The following ALKBH3 variants were observed in gnomAD, a reference collection of about 807,000 sequenced individuals.
ALKBH3 encodes alpha-ketoglutarate-dependent dioxygenase alkB homolog 3.
A neutral mutation model predicts 43.9 loss-of-function variants in ALKBH3; 51 were observed. The ratio of observed to expected loss-of-function variants is 1.16; its 90% CI spans 0.93 to 1.47. The LOEUF (loss-of-function observed/expected upper bound fraction) is 1.47, where lower values mean the gene tolerates loss of function less well. Ranked by LOEUF, ALKBH3 falls within the 40% of genes most tolerant of loss-of-function variation. The pLI is 0.00. For synonymous variants in ALKBH3, 102 were observed against 115.2 expected, an observed-to-expected ratio of 0.89 and a Z score of 0.73; for missense variants, 361 against 351.9, an observed-to-expected ratio of 1.03 and a Z score of -0.21.
chr11:43,881,375 G>T (rs1279578582), intron 1 of ALKBH3, 196 bp downstream of exon 1: 1 of 152,224 alleles, frequency 6.6e-6, no homozygotes, highest in Non-Finnish European at 1.5e-5. Context: ...CTGGGATGGG[G>T]CTCTGGAATC....
At position 43,920,027 on chromosome 11, in the gene ALKBH3, G is replaced by C; in HGVS notation, c.*17G>C. ...CCCTGGTGACGTCAGAGCTTTGAGA[G>C]AGAAGCTTCACTGAAACGGAGCAAA... On this transcript the variant is annotated 3_prime_UTR_variant, in exon 10 of 10. Transcript: ENST00000302708. 2.5e-6 allele frequency: 4 copies of C among 1,604,770 alleles called. No homozygotes were observed. The highest frequency in any genetic ancestry group is 3.4e-6 in the Non-Finnish European group (4 of 1,171,772).
At chr11:43,886,305 G>A (rs1051817802) in intron 4 of ALKBH3, among the ~76,000 whole-genome samples, 1 of 152,110 alleles carries the variant, frequency 6.6e-6, no homozygotes, top group African/African-American at 2.4e-5. Flanking sequence ...ACCTCTTTGT[G>A]CAATAGATTC....
Position 43,892,144 on chromosome 11 carries a change from TG to T in ALKBH3, c.459+16del. The T allele has an allele frequency of 6.3e-7, 1 of 1,580,752 alleles. No individual in the cohort carries two copies. The highest frequency in any genetic ancestry group is 1.3e-5 in the African/African-American group (1 of 74,292). Reference sequence around the variant, plus strand: ...CAAATCCTCACGTATGTCAACATATTGTCATTGGTATGGTTTTATAGACTAT... The same window carrying T: ...CAAATCCTCACGTATGTCAACATATTTCATTGGTATGGTTTTATAGACTAT... On this transcript the variant is annotated intron_variant, in intron 7 of 9. Coordinates refer to ENST00000302708, the MANE Select transcript of ALKBH3 (RefSeq NM_139178.4).
intron 8 of ALKBH3, among the ~76,000 whole-genome samples, chr11:43,905,535 T>C (rs1189410986): frequency 6.6e-6 from 1 of 152,214 alleles, no homozygotes; most frequent in African/African-American, 2.4e-5. Context: ...TTAATGATAT[T>C]ACTGTCATTC....
Position 43,919,959 on chromosome 11 carries a change from G to A in ALKBH3, c.810G>A (p.Val270=), listed in dbSNP as rs1395722684. The A allele has an allele frequency of 6.2e-7, 1 of 1,614,190 alleles. No individual in the cohort carries two copies. Among genetic ancestry groups the A allele is most frequent in the South Asian group, 1.1e-5 (1 of 91,072 alleles). The change falls in exon 10 of 10, where the codon GTG becomes GTA. Residue 270 remains valine, a synonymous_variant. Transcript: ENST00000302708. ...PKEYHSREPR[V]NLTFRTVYPD... is the part of the protein sequence containing the mutation. ...AATACCACTCTAGAGAACCGAGAGTGAACCTGACCTTTCGGACAGTCTATC... is the reference window on the plus strand; with the variant it reads ...AATACCACTCTAGAGAACCGAGAGTAAACCTGACCTTTCGGACAGTCTATC...
chr11:43,887,955 A>ATT lies in ALKBH3; in HGVS notation c.266+1316_266+1317dup, dbSNP rs531812486. ...AGGCACGTGCCACCATGCCCAGCTA[A>ATT]TTTTTTTTTTTTTTTGTATTTTTAG... is the stretch of plus-strand genomic sequence containing the variant. On this transcript the variant is annotated intron_variant, in intron 5 of 9. Coordinates refer to ENST00000302708, the MANE Select transcript of ALKBH3 (RefSeq NM_139178.4). 8.3e-3 allele frequency among the ~76,000 whole-genome samples: 1,183 copies of ATT among 141,958 alleles called. 10 individuals are homozygous for ATT. The highest frequency in any genetic ancestry group is 0.011 in the Non-Finnish European group (727 of 64,622). The allele number at this position is 141,958 out of a possible 152,430, so 93.1% of individuals were successfully genotyped here. A position where few individuals can be genotyped will look rare whatever the true frequency, so the allele number is the denominator to read the frequency against.
chr11:43,905,313 G>A (rs945898562), intron 8 of ALKBH3, among the ~76,000 whole-genome samples: 1 of 152,132 alleles, frequency 6.6e-6, no homozygotes, highest in African/African-American at 2.4e-5. Flanking sequence ...GTGCTGAGAC[G>A]GTAAGGAGAT....
chr11:43,918,933 A>G (rs949355389), intron 8 of ALKBH3, 105 bp from the exon 9 acceptor site: 2 of 835,604 alleles, frequency 2.4e-6, no homozygotes, highest in Non-Finnish European at 3.9e-6. Context: ...GGATTCCCAC[A>G]GTCTGGCTGA....
Position 43,883,134 on chromosome 11 carries a change from G to C in ALKBH3, c.129G>C (p.Lys43Asn), listed in dbSNP as rs769872970. Residue 43 changes from lysine (K) to asparagine (N), a missense_variant, in exon 3 of 10, where the codon AAG becomes AAC. By Grantham distance (94) the Lys-to-Asn change is moderately conservative. Transcript: ENST00000302708. Reference sequence around the variant, plus strand: ...ACCAGAAGCCTGGCCAGACCTGGAAGAACAAAGAGCATCATCTCTCTGACA... The same window carrying C: ...ACCAGAAGCCTGGCCAGACCTGGAACAACAAAGAGCATCATCTCTCTGACA... ...HLHQKPGQTW[K>N]NKEHHLSDRE... 2 of 1,614,126 alleles carry C rather than the reference G, an allele frequency of 1.2e-6. No homozygotes were observed. The highest frequency in any genetic ancestry group is 1.7e-6 in the Non-Finnish European group (2 of 1,180,024).
intron 8 of ALKBH3, among the ~76,000 whole-genome samples, chr11:43,906,183 G>C (rs1951894815): frequency 6.6e-6 from 1 of 152,190 alleles, no homozygotes; most frequent in African/African-American, 2.4e-5. Context: ...ATTGCCAGGA[G>C]AGATGATTGT....
At chr11:43,889,963 T>A in intron 6 of ALKBH3, 135 bp downstream of exon 6, 3 of 735,362 alleles carry the variant, frequency 4.1e-6, no homozygotes, top group South Asian at 3.7e-5. Context: ...GAAAGTAGAA[T>A]TAGCCAAAAA....
intron 5 of ALKBH3, among the ~76,000 whole-genome samples, chr11:43,887,753 A>G (rs184845669): frequency 2.0e-3 from 304 of 152,116 alleles, no homozygotes; most frequent in African/African-American, 7.2e-3. Flanking sequence ...ATAATGTTAC[A>G]AATTGCTACA....
At chr11:43,889,970 A>G (rs1951771807) in intron 6 of ALKBH3, 142 bp downstream of exon 6, 1 of 687,374 alleles carries the variant, frequency 1.5e-6, no homozygotes. Context: ...GAATTAGCCA[A>G]AAAGGACAGG....
In ALKBH3 at chr11:43,901,565, G is replaced by A. The variant is rs1554977122; in HGVS notation, c.509G>A (p.Gly170Asp). 1.2e-5 allele frequency: 20 copies of A among 1,614,066 alleles called. No homozygotes were observed. Among genetic ancestry groups the A allele is most frequent in the Non-Finnish European group, 8.5e-7 (1 of 1,180,050 alleles). Residue 170 changes from glycine (G) to aspartate (D), a missense_variant, in exon 8 of 10, where the codon GGC becomes GAC. By Grantham distance (94) the Gly-to-Asp change is moderately conservative (BLOSUM62 -1). Coordinates refer to ENST00000302708, the MANE Select transcript of ALKBH3 (RefSeq NM_139178.4). ...TLKNRIEENT[G>D]HTFNSLLCNL... Reference sequence around the variant, plus strand: ...AAGAACCGCATTGAAGAGAACACTGGCCACACCTTCAACTCCTTACTCTGC... The same window carrying A: ...AAGAACCGCATTGAAGAGAACACTGACCACACCTTCAACTCCTTACTCTGC...
At chr11:43,915,769 G>A (rs900004835) in intron 8 of ALKBH3, among the ~76,000 whole-genome samples, 2 of 152,194 alleles carry the variant, frequency 1.3e-5, no homozygotes, top group Non-Finnish European at 2.9e-5. Context: ...ACACACGATT[G>A]TATATCTGGA....
intron 7 of ALKBH3, chr11:43,899,593 G>A (rs1951846185): frequency 7.0e-6 from 4 of 574,580 alleles, no homozygotes; most frequent in Non-Finnish European, 1.3e-5. Context: ...GTGTGCAGAG[G>A]AGATGGCCGC....
chr11:43,899,688 C>G (rs1488953024), intron 7 of ALKBH3: 3 of 343,080 alleles, frequency 8.7e-6, no homozygotes, highest in Non-Finnish European at 1.6e-5. Context: ...AAATAGCTCT[C>G]CAGATGGTAA....
At chr11:43,884,822 A>G (rs964606335) in intron 4 of ALKBH3, among the ~76,000 whole-genome samples, 1 of 151,852 alleles carries the variant, frequency 6.6e-6, no homozygotes, top group Non-Finnish European at 1.5e-5. Flanking sequence ...CATAATCAAA[A>G]CTCACTGTAG....
At chr11:43,889,941 C>A in intron 6 of ALKBH3, 113 bp downstream of exon 6, 1 of 899,740 alleles carries the variant, frequency 1.1e-6, no homozygotes, top group Non-Finnish European at 1.7e-6. Flanking sequence ...AATTCAAAAC[C>A]TGAGATCCTA....
Sources: gnomAD v4.1 joint callset for allele counts (sites outside exome capture counted in the v4.1 genomes callset) on GRCh38, gnomAD v4.1.1 for gene constraint, MANE v1.5 for transcripts, NCBI Gene and HGNC (gene_info 2026-07-23, HGNC 2026-07-21) for gene names.